NUAK2: variants seen among roughly 807,000 people sequenced by gnomAD.
The protein encoded by NUAK2 is NUAK family kinase 2.
In NUAK2, 20 loss-of-function variants were observed where a neutral mutation model predicts 29.8. That is an observed-to-expected ratio of 0.67 (90% CI 0.47 to 0.98). The LOEUF (loss-of-function observed/expected upper bound fraction) is 0.98. Among genes scored for constraint, NUAK2 ranks in the 50% least tolerant of loss-of-function variants. The pLI is 0.00. For missense variants in NUAK2, 719 were observed against 834.5 expected, an observed-to-expected ratio of 0.86 and a Z score of 1.71; for synonymous variants, 331 against 342.6, an observed-to-expected ratio of 0.97 and a Z score of 0.37.
rs549343885 is a variant in NUAK2 at position 205,321,326 on chromosome 1, C to G, written c.231+72G>C. Reference sequence around the variant, plus strand: ...CGCCGAGCAACGAGCGAGCCGCCGCCCGCCCTCCTCCGCTCCCTGCCGGCG... The same window carrying G: ...CGCCGAGCAACGAGCGAGCCGCCGCGCGCCCTCCTCCGCTCCCTGCCGGCG... On this transcript the variant is annotated intron_variant, in intron 1 of 6. Transcript: ENST00000367157. 1.4e-4 allele frequency: 185 copies of G among 1,345,034 alleles called. 1 individual carries two copies. The South Asian group carries it at 2.6e-3, about 19-fold the overall frequency. 83.3% of individuals were successfully genotyped at this position (1,345,034 alleles called of 1,614,324 possible).
intron 1 of NUAK2, among the ~76,000 whole-genome samples, chr1:205,320,888 G>A (rs112784762): frequency 0.014 from 1,955 of 139,474 alleles, 55 homozygotes; most frequent in African/African-American, 0.05. Context: ...GGACCTAAAT[G>A]TCAAAACCCA....
chr1:205,303,421 T>C lies in NUAK2; in HGVS notation c.*29A>G. 6.6e-7 allele frequency: 1 copy of C among 1,508,452 alleles called. No individual in the cohort carries two copies. The highest frequency in any genetic ancestry group is 2.4e-5 in the East Asian group (1 of 42,368). The allele number at this position is 1,508,452 out of a possible 1,614,324, so 93.4% of individuals were successfully genotyped here. A position where few individuals can be genotyped will look rare whatever the true frequency, so the allele number is the denominator to read the frequency against. ...GTGCAACCAGCTGCATCTGAGAGCC[T>C]GACCGGGCTGGGGCAATGCCTACTC... On this transcript the variant is annotated 3_prime_UTR_variant, in exon 7 of 7. Transcript: ENST00000367157.
Position 205,308,566 on chromosome 1 carries a change from C to T in NUAK2, c.504+15G>A. The T allele has an allele frequency of 6.2e-7, 1 of 1,608,672 alleles. No individual in the cohort carries two copies. On this transcript the variant is annotated intron_variant, in intron 3 of 6. Coordinates refer to ENST00000367157, the MANE Select transcript of NUAK2 (RefSeq NM_030952.3). The surrounding 1 kb of genome is among the most constrained non-coding windows in gnomAD (Gnocchi z 4.1). ...CCACCCACTGAGAATATGGCTGGAG[C>T]AGGTAGGTGCTCACCTGATGGCAAT...
At chr1:205,321,292 T>C (rs1006029466) in intron 1 of NUAK2, 106 bp downstream of exon 1, 5 of 996,156 alleles carry the variant, frequency 5.0e-6, no homozygotes, top group Middle Eastern at 3.2e-4. Flanking sequence ...AAGACCACGC[T>C]GGCCTCTCCG....
intron 4 of NUAK2, among the ~76,000 whole-genome samples, chr1:205,307,315 T>C (rs544735221): frequency 6.6e-6 from 1 of 152,306 alleles, no homozygotes; most frequent in Non-Finnish European, 1.5e-5. Context: ...TTGGTGCAGA[T>C]AGGAAAGTTC....
chr1:205,314,270 CCTGAG>C (rs2102257113), intron 1 of NUAK2, among the ~76,000 whole-genome samples: 1 of 152,308 alleles, frequency 6.6e-6, no homozygotes, highest in African/African-American at 2.4e-5. Context: ...TCGGGCCCTC[CCTGAG>C]CAGGGCAGGG....
chr1:205,310,947 A>G (rs1662250102), intron 2 of NUAK2, among the ~76,000 whole-genome samples: 1 of 152,168 alleles, frequency 6.6e-6, no homozygotes, highest in Non-Finnish European at 1.5e-5. Flanking sequence ...GAATATACAG[A>G]CAAAGGGCAG....
chr1:205,315,032 T>C (rs987205975), intron 1 of NUAK2, among the ~76,000 whole-genome samples: 1 of 152,192 alleles, frequency 6.6e-6, no homozygotes, highest in South Asian at 2.1e-4. Context: ...TTGTTAATCC[T>C]CATTGAACAG....
chr1:205,306,443 C>T, intron 4 of NUAK2, 136 bp from the exon 5 acceptor site: 1 of 1,100,660 alleles, frequency 9.1e-7, no homozygotes, highest in Non-Finnish European at 1.3e-6. Context: ...ACCCTTACCC[C>T]ACACTGAGCA....
rs1462326516 is a variant in NUAK2, at chr1:205,319,112, TG to T, written c.231+2285del. ...GGACAGTCAAGAGGCAGGGGTGGGG[TG>T]GGGTGGGGAAGAGGCAATGCTCCAG... On this transcript the variant is annotated intron_variant, in intron 1 of 6. Coordinates refer to ENST00000367157, the MANE Select transcript of NUAK2 (RefSeq NM_030952.3). Among the ~76,000 whole-genome samples, 3 of 73,392 alleles carry T rather than the reference TG, an allele frequency of 4.1e-5. No homozygotes were observed. The East Asian group carries it at 1.2e-3, about 29-fold the overall frequency. The allele number at this position is 73,392 out of a possible 152,430, so 48.1% of individuals were successfully genotyped here. A position where few individuals can be genotyped will look rare whatever the true frequency, so the allele number is the denominator to read the frequency against.
chr1:205,313,257 A>T (rs975462564), intron 1 of NUAK2, among the ~76,000 whole-genome samples: 1 of 151,682 alleles, frequency 6.6e-6, no homozygotes, highest in Admixed American at 6.6e-5. Flanking sequence ...GAAAAAAAAA[A>T]AAAGCCCCCA....
chr1:205,319,768 C>T (rs1455867418), intron 1 of NUAK2, among the ~76,000 whole-genome samples: 1 of 152,204 alleles, frequency 6.6e-6, no homozygotes, highest in Non-Finnish European at 1.5e-5. Context: ...GAAAAACATA[C>T]TCGGTCCTAT....
chr1:205,319,875 A>T (rs984164881), intron 1 of NUAK2, among the ~76,000 whole-genome samples: 7 of 151,942 alleles, frequency 4.6e-5, no homozygotes, highest in African/African-American at 1.7e-4. Context: ...CTGCAAAAGC[A>T]AACACAATCT....
chr1:205,314,193 G>A (rs960481682), intron 1 of NUAK2, among the ~76,000 whole-genome samples: 2 of 152,212 alleles, frequency 1.3e-5, no homozygotes, highest in Non-Finnish European at 2.9e-5. Context: ...AACGGGCCAG[G>A]GATGGCGTGC....
At chr1:205,305,046 A>G (rs10793728) in intron 6 of NUAK2, among the ~76,000 whole-genome samples, 153 bp downstream of exon 6, 111,958 of 152,168 alleles carry the variant, frequency 0.74, 41,632 homozygotes, top group Non-Finnish European at 0.8. Context: ...CAGAGGTCTC[A>G]ACATTGGACA....
chr1:205,321,383 G>A lies in NUAK2; in HGVS notation c.231+15C>T. The A allele has an allele frequency of 6.3e-7, 1 of 1,598,930 alleles. No homozygotes were observed. The highest frequency in any genetic ancestry group is 1.1e-5 in the South Asian group (1 of 89,902). On this transcript the variant is annotated intron_variant, in intron 1 of 6. Coordinates refer to ENST00000367157, the MANE Select transcript of NUAK2 (RefSeq NM_030952.3). The stretch of plus-strand genomic sequence containing the variant: ...CCGGAGCCCGCCCCGCGCCGCGAGA[G>A]GGAGCCGCACTCACCAGGCGCCCCG...
At chr1:205,310,080 G>T (rs893482156) in intron 2 of NUAK2, among the ~76,000 whole-genome samples, 2 of 152,252 alleles carry the variant, frequency 1.3e-5, no homozygotes, top group Non-Finnish European at 2.9e-5. Context: ...CTGCCCCAGA[G>T]CTAATGCTGT....
intron 2 of NUAK2, among the ~76,000 whole-genome samples, chr1:205,310,334 C>T (rs935669412): frequency 2.0e-5 from 3 of 152,216 alleles, no homozygotes; most frequent in Admixed American, 6.5e-5. Flanking sequence ...AAAAGCCAGC[C>T]AGGGCACATT....
chr1:205,307,660 C>T (rs867139198), intron 4 of NUAK2, among the ~76,000 whole-genome samples: 2 of 152,232 alleles, frequency 1.3e-5, no homozygotes, highest in Admixed American at 6.5e-5. Flanking sequence ...ACTACTTAAG[C>T]ATGGAAATCT....
Sources: gnomAD v4.1 joint callset for allele counts (sites outside exome capture counted in the v4.1 genomes callset) on GRCh38, gnomAD v4.1.1 for gene constraint, Gnocchi (gnomAD v3.1) non-coding constraint, MANE v1.5 for transcripts, NCBI Gene and HGNC (gene_info 2026-07-23, HGNC 2026-07-21) for gene names.